Variants in THSD7A observed in about 807,000 individuals in gnomAD.
THSD7A encodes the protein thrombospondin type-1 domain-containing protein 7A.
In THSD7A, 96 loss-of-function variants were observed where a neutral mutation model predicts 231.3. The observed-to-expected ratio is 0.41, with a 90% confidence interval of 0.35 to 0.49. THSD7A has a LOEUF of 0.49. Ranked by LOEUF, THSD7A falls within the 20% of genes least tolerant of loss-of-function variation. The pLI, the probability that THSD7A is intolerant of heterozygous loss-of-function variation, is 0.05. For synonymous variants in THSD7A, 940 were observed against 743.3 expected, an observed-to-expected ratio of 1.26 and a Z score of -4.30; for missense variants, 2,290 against 2,070.2, an observed-to-expected ratio of 1.11 and a Z score of -2.06.
chr7:11,520,238 G>T (rs1788206220), intron 6 of THSD7A: 1 of 152,180 alleles, frequency 6.6e-6, no homozygotes, highest in Non-Finnish European at 1.5e-5. Flanking sequence ...TTTGCAAGCT[G>T]CACAATCTAA....
chr7:11,407,893 A>G (rs1018745042), intron 19 of THSD7A, among the ~76,000 whole-genome samples: 1 of 152,228 alleles, frequency 6.6e-6, no homozygotes, highest in Non-Finnish European at 1.5e-5. Context: ...ACTCAAAACT[A>G]ATGATATCAT....
At chr7:11,568,332 T>C (rs1790454584) in intron 4 of THSD7A, among the ~76,000 whole-genome samples, 2 of 152,106 alleles carry the variant, frequency 1.3e-5, no homozygotes, top group South Asian at 4.1e-4. Flanking sequence ...TATTTTCAAA[T>C]ATCACTTAAA....
intron 1 of THSD7A, among the ~76,000 whole-genome samples, chr7:11,652,578 T>C (rs914723845): frequency 1.3e-5 from 2 of 152,018 alleles, no homozygotes; most frequent in Admixed American, 6.6e-5. Context: ...TATGTATATG[T>C]CTGTAAATAT....
At chr7:11,543,421 T>C (rs962611221) in intron 4 of THSD7A, among the ~76,000 whole-genome samples, 1 of 152,238 alleles carries the variant, frequency 6.6e-6, no homozygotes, top group Non-Finnish European at 1.5e-5. Flanking sequence ...AAAATATTCC[T>C]TAAGGTTAGA....
At chr7:11,588,259 G>A (rs971162265) in intron 4 of THSD7A, among the ~76,000 whole-genome samples, 1 of 152,128 alleles carries the variant, frequency 6.6e-6, no homozygotes, top group Non-Finnish European at 1.5e-5. Flanking sequence ...CTGGTATACT[G>A]AGTATGTTTC....
chr7:11,765,988 A>G (rs1206027966), intron 1 of THSD7A, among the ~76,000 whole-genome samples: 1 of 152,212 alleles, frequency 6.6e-6, no homozygotes, highest in Non-Finnish European at 1.5e-5. Context: ...TTGGCAAAAC[A>G]TATTCTCACC....
At chr7:11,755,267 T>C (rs577709710) in intron 1 of THSD7A, among the ~76,000 whole-genome samples, 4 of 152,198 alleles carry the variant, frequency 2.6e-5, no homozygotes, top group Admixed American at 2.6e-4. Flanking sequence ...TGGTATATGA[T>C]AGGAAGACAT....
intron 1 of THSD7A, among the ~76,000 whole-genome samples, chr7:11,733,478 A>G (rs572600693): frequency 9.9e-5 from 15 of 152,054 alleles, no homozygotes; most frequent in Admixed American, 8.5e-4. Flanking sequence ...AGAGTTTTGG[A>G]TAACTTTATC....
intron 6 of THSD7A, among the ~76,000 whole-genome samples, chr7:11,519,841 A>G (rs1279423439): frequency 6.6e-6 from 1 of 152,224 alleles, no homozygotes; most frequent in Non-Finnish European, 1.5e-5. Context: ...ATTCTAAACC[A>G]TCAGAAAGCA....
chr7:11,631,721 G>T (rs1014237341), intron 2 of THSD7A, among the ~76,000 whole-genome samples: 1 of 152,140 alleles, frequency 6.6e-6, no homozygotes, highest in African/African-American at 2.4e-5. Flanking sequence ...TGGCCTGTTT[G>T]GGGATTTGGC....
At chr7:11,669,608 T>C (rs1300480205) in intron 1 of THSD7A, among the ~76,000 whole-genome samples, 2 of 151,926 alleles carry the variant, frequency 1.3e-5, no homozygotes, top group East Asian at 3.9e-4. Flanking sequence ...AATTTAAAAT[T>C]TTTTACTGGT....
chr7:11,647,863 A>T (rs1782342550), intron 1 of THSD7A, among the ~76,000 whole-genome samples: 1 of 152,060 alleles, frequency 6.6e-6, no homozygotes, highest in Non-Finnish European at 1.5e-5. Flanking sequence ...TATACTAACT[A>T]CTGCGTCCAT....
chr7:11,572,927 G>C (rs1263386776), intron 4 of THSD7A, among the ~76,000 whole-genome samples: 1 of 152,070 alleles, frequency 6.6e-6, no homozygotes, highest in Non-Finnish European at 1.5e-5. Context: ...TTTGTGAACA[G>C]TATATTGTAG....
intron 6 of THSD7A, among the ~76,000 whole-genome samples, chr7:11,514,519 A>T (rs953359504): frequency 6.6e-6 from 1 of 152,206 alleles, no homozygotes; most frequent in Non-Finnish European, 1.5e-5. Flanking sequence ...GGGCTTGAGG[A>T]GAAAAGAGAA....
At chr7:11,809,718 C>T (rs1319216402) in intron 1 of THSD7A, among the ~76,000 whole-genome samples, 1 of 152,138 alleles carries the variant, frequency 6.6e-6, no homozygotes, top group Non-Finnish European at 1.5e-5. Context: ...AACTAGCTTA[C>T]TTGCTTAATT....
intron 1 of THSD7A, among the ~76,000 whole-genome samples, chr7:11,703,696 C>T (rs1034221840): frequency 2.0e-5 from 3 of 151,210 alleles, no homozygotes; most frequent in African/African-American, 4.8e-5. Context: ...GTACTTTGAC[C>T]TTCTCTTTTC....
chr7:11,575,523 A>G lies in THSD7A; in HGVS notation c.1453+14937T>C, dbSNP rs149444921. On this transcript the variant is annotated intron_variant, in intron 4 of 27. Transcript: ENST00000423059. The stretch of plus-strand genomic sequence containing the variant: ...GGATGCTTATCCTATCCTCACCGCA[A>G]TGATGGTTGGAAATTGTGTCTCTGC... 6.1e-3 allele frequency among the ~76,000 whole-genome samples: 935 copies of G among 152,240 alleles called. 3 individuals carry two copies. Among genetic ancestry groups the G allele is most frequent in the Non-Finnish European group, 0.01 (693 of 68,014 alleles).
chr7:11,665,364 G>A (rs1783090570), intron 1 of THSD7A, among the ~76,000 whole-genome samples: 1 of 151,992 alleles, frequency 6.6e-6, no homozygotes, highest in African/African-American at 2.4e-5. Context: ...CAATAAATAT[G>A]GTACGAGTAG....
chr7:11,579,396 T>G (rs1261355317), intron 4 of THSD7A, among the ~76,000 whole-genome samples: 2 of 152,194 alleles, frequency 1.3e-5, no homozygotes, highest in Non-Finnish European at 2.9e-5. Flanking sequence ...CATTCACCAG[T>G]GCACATCCCT....
Sources: gnomAD v4.1 joint callset for allele counts (sites outside exome capture counted in the v4.1 genomes callset) on GRCh38, gnomAD v4.1.1 for gene constraint, MANE v1.5 for transcripts, NCBI Gene and HGNC (gene_info 2026-07-23, HGNC 2026-07-21) for gene names.